Variants in MGST1 observed in about 807,000 individuals in gnomAD.
MGST1 encodes the protein microsomal glutathione S-transferase 1.
Under a neutral mutation model 8.9 loss-of-function variants are expected in MGST1, and 5 were observed. That is an observed-to-expected ratio of 0.56 (90% confidence interval 0.29 to 1.19). The LOEUF (loss-of-function observed/expected upper bound fraction) is 1.19, where lower values mean the gene tolerates loss of function less well. Ranked by LOEUF, MGST1 falls within the 50% of genes most tolerant of loss-of-function variation. MGST1 has a pLI of 0.08. For missense variants in MGST1, 182 were observed against 187.4 expected, an observed-to-expected ratio of 0.97 and a Z score of 0.17; for synonymous variants, 54 against 67.8, an observed-to-expected ratio of 0.80 and a Z score of 1.00.
chr12:16,514,659 G>A (rs1941600063), intron 4 of MGST1, among the ~76,000 whole-genome samples: 1 of 150,000 alleles, frequency 6.7e-6, no homozygotes, highest in African/African-American at 2.4e-5. Flanking sequence ...CATTCACCAG[G>A]TCACCAAGTA....
chr12:16,393,143 A>G (rs995065670), intron 1 of MGST1, among the ~76,000 whole-genome samples: 1 of 152,218 alleles, frequency 6.6e-6, no homozygotes, highest in African/African-American at 2.4e-5. Context: ...ATATGACCAC[A>G]TAAACACATT....
intron 4 of MGST1, among the ~76,000 whole-genome samples, chr12:16,533,502 T>C (rs1941735295): frequency 6.6e-6 from 1 of 152,196 alleles, no homozygotes; most frequent in Admixed American, 6.5e-5. Context: ...AATTTTTTCC[T>C]ACATTTTCTT....
chr12:16,374,114 A>G (rs1437534999), intron 3 of MGST1, among the ~76,000 whole-genome samples: 1 of 152,150 alleles, frequency 6.6e-6, no homozygotes, highest in Non-Finnish European at 1.5e-5. Context: ...CTCACTTCTC[A>G]GAAACGGTAG....
Position 16,389,135 on chromosome 12 carries a change from A to G in MGST1, n.778+5531A>G, listed in dbSNP as rs1022133235. Reference sequence around the variant, plus strand: ...CCTTGCACTGGGATTCGTTTTAATAATTAGCCATAGTGACACCTAGGTGAT... The same window carrying G: ...CCTTGCACTGGGATTCGTTTTAATAGTTAGCCATAGTGACACCTAGGTGAT... On this transcript the variant is annotated intron_variant and non_coding_transcript_variant, in intron 1 of 1. Transcript: ENST00000359720. The surrounding 1 kb of genome is among the most constrained non-coding windows in gnomAD (Gnocchi z 4.6). 1.3e-5 allele frequency among the ~76,000 whole-genome samples: 2 copies of G among 152,230 alleles called. No homozygotes were observed. The highest frequency in any genetic ancestry group is 4.8e-5 in the African/African-American group (2 of 41,458).
downstream of MGST1, among the ~76,000 whole-genome samples, chr12:16,441,737 C>A (rs1941041027): frequency 6.6e-6 from 1 of 151,780 alleles, no homozygotes; most frequent in Non-Finnish European, 1.5e-5. Context: ...ATCTGTTCAC[C>A]TACTGAAGAA....
intron 4 of MGST1, among the ~76,000 whole-genome samples, chr12:16,520,709 A>G (rs942652589): frequency 1.3e-5 from 2 of 152,138 alleles, no homozygotes; most frequent in Non-Finnish European, 2.9e-5. Context: ...CCTCCAGCAA[A>G]TCTTAAAATA....
intron 1 of MGST1, among the ~76,000 whole-genome samples, chr12:16,385,406 T>G (rs1042669118): frequency 1.3e-5 from 2 of 150,680 alleles, no homozygotes; most frequent in Non-Finnish European, 1.5e-5. Context: ...ATCACATGAT[T>G]TCTTTAAAAC....
intron 1 of MGST1, among the ~76,000 whole-genome samples, chr12:16,404,682 C>T (rs916489819): frequency 2.0e-5 from 3 of 152,056 alleles, no homozygotes; most frequent in Admixed American, 2.0e-4. Flanking sequence ...ATTCCTCTCC[C>T]TATTTTTGTG....
intron 4 of MGST1, among the ~76,000 whole-genome samples, chr12:16,472,803 C>T (rs535040308): frequency 2.6e-5 from 4 of 152,092 alleles, no homozygotes; most frequent in South Asian, 2.1e-4. Flanking sequence ...TTTCAATTGG[C>T]GTTGTACTGA....
intron 4 of MGST1, chr12:16,551,140 G>T: frequency 1.1e-6 from 1 of 891,748 alleles, no homozygotes; most frequent in Non-Finnish European, 1.9e-6. Flanking sequence ...GTAGGTTCCT[G>T]TGTCAATTCT....
intron 1 of MGST1, among the ~76,000 whole-genome samples, chr12:16,351,922 G>A (rs1338677584): frequency 6.6e-6 from 1 of 151,986 alleles, no homozygotes; most frequent in Non-Finnish European, 1.5e-5. Context: ...AAAGAAAGAA[G>A]ATGACAGATA....
At chr12:16,477,209 T>C (rs1343441783) in intron 4 of MGST1, among the ~76,000 whole-genome samples, 2 of 152,222 alleles carry the variant, frequency 1.3e-5, no homozygotes, top group East Asian at 1.9e-4. Flanking sequence ...TCCTGCTGTT[T>C]TGGTAAAATC....
At chr12:16,462,589 C>T (rs979735268) in intron 4 of MGST1, among the ~76,000 whole-genome samples, 1 of 151,806 alleles carries the variant, frequency 6.6e-6, no homozygotes, top group African/African-American at 2.4e-5. Context: ...GTTGAAATTA[C>T]AAACTACAGA....
At chr12:16,377,151 TA>T (rs1940393752) in exon 4 of MGST1, 1 of 152,104 alleles carries the variant, frequency 6.6e-6, no homozygotes, top group African/African-American at 2.4e-5. Flanking sequence ...GTGTGTTTTT[TA>T]AATTTTATTA....
intron 3 of MGST1, among the ~76,000 whole-genome samples, chr12:16,370,628 A>G (rs185383724): frequency 6.6e-6 from 1 of 152,288 alleles, no homozygotes; most frequent in East Asian, 1.9e-4. Context: ...CTCATCTTTC[A>G]TGACAATACA....
rs1942591627 is a variant in MGST1 at position 16,566,016 on chromosome 12, ATATATATATATATATATATATAT to A, written n.483-23511_483-23489del. ...TATATATATATATATATATATATATATATATATATATATATATATATATAAAATGGAGTACTATTCAGCCATAA... is the reference window on the plus strand; with the variant it reads ...TATATATATATATATATATATATATAAAAATGGAGTACTATTCAGCCATAA... On this transcript the variant is annotated intron_variant and non_coding_transcript_variant, in intron 4 of 4. Transcript: ENST00000538857. 4.7e-4 allele frequency among the ~76,000 whole-genome samples: 40 copies of A among 85,074 alleles called. 1 individual carries two copies. Among genetic ancestry groups the A allele is most frequent in the African/African-American group, 1.6e-3 (37 of 23,780 alleles). The allele number at this position is 85,074 out of a possible 152,430, so 55.8% of individuals were successfully genotyped here.
downstream of MGST1, among the ~76,000 whole-genome samples, chr12:16,592,672 T>A (rs1018831724): frequency 2.6e-5 from 4 of 151,922 alleles, no homozygotes; most frequent in African/African-American, 7.2e-5. Context: ...ATTGAGCAGC[T>A]AATAAACAAA....
intron 2 of MGST1, 101 bp from the exon 3 acceptor site, chr12:16,357,504 A>G (rs1939773066): frequency 1.2e-6 from 1 of 853,638 alleles, no homozygotes; most frequent in Admixed American, 2.8e-5. Flanking sequence ...CTTGGGCTCA[A>G]GCAATCCTGC....
rs149667382 is a variant in MGST1 at position 16,413,015 on chromosome 12, G to T, written n.779-24373G>T. Among the ~76,000 whole-genome samples, 36 of 152,298 alleles carry T rather than the reference G, an allele frequency of 2.4e-4. No individual in the cohort carries two copies. In the East Asian group the frequency reaches 6.9e-3, roughly 29 times the overall value. On this transcript the variant is annotated intron_variant and non_coding_transcript_variant, in intron 1 of 1. Transcript: ENST00000359720. The surrounding 1 kb of genome is among the most constrained non-coding windows in gnomAD (Gnocchi z 4.0). The stretch of plus-strand genomic sequence containing the variant: ...GATAATATGTCATAATAATAAGCCA[G>T]AAAGAGAGTAGGGAACTCCTCAGTC...
Sources: allele counts gnomAD v4.1 joint callset (sites outside exome capture counted in the v4.1 genomes callset), GRCh38; gene constraint gnomAD v4.1.1; non-coding constraint Gnocchi (gnomAD v3.1); transcripts MANE v1.5; gene names NCBI Gene and HGNC (gene_info 2026-07-23, HGNC 2026-07-21).